The following FBXO4 variants were observed in gnomAD, a reference collection of about 807,000 sequenced individuals.
The protein encoded by FBXO4 is F-box protein 4.
A neutral mutation model predicts 43.7 loss-of-function variants in FBXO4; 36 were observed. The observed-to-expected ratio is 0.82, with a 90% CI of 0.63 to 1.09. The LOEUF is 1.09. Ranked by LOEUF, FBXO4 falls within the 50% of genes least tolerant of loss-of-function variation. The probability of loss-of-function intolerance (pLI) is 0.00; values close to 1 mark genes in which losing one functional copy is unlikely to be tolerated. For missense variants in FBXO4, 435 were observed against 474.1 expected, an observed-to-expected ratio of 0.92 and a Z score of 0.77; for synonymous variants, 180 against 165.6, an observed-to-expected ratio of 1.09 and a Z score of -0.67.
At chr5:41,970,044 G>A in the FBXO4 span, among the ~76,000 whole-genome samples, 1 of 152,044 alleles carries the variant, frequency 6.6e-6, no homozygotes, top group African/African-American at 2.4e-5. Context: ...AACATGATTG[G>A]TTGTTATATA....
chr5:41,989,761 T>C, the FBXO4 span, among the ~76,000 whole-genome samples: 1 of 152,160 alleles, frequency 6.6e-6, no homozygotes. Flanking sequence ...GCTTCCCCTA[T>C]CATCTGCTCC....
the FBXO4 span, among the ~76,000 whole-genome samples, chr5:42,020,845 G>T: frequency 6.6e-6 from 1 of 152,124 alleles, no homozygotes; most frequent in Non-Finnish European, 1.5e-5. Context: ...AGTTAGAATG[G>T]GTTAGACACA....
the FBXO4 span, among the ~76,000 whole-genome samples, chr5:42,006,916 A>ATATATATATATATATG: frequency 6.4e-5 from 9 of 140,902 alleles, no homozygotes; most frequent in Non-Finnish European, 1.4e-4. Context: ...ATATATATAT[A>ATATATATATATATATG]TGTATATACA....
chr5:41,987,140 T>G, the FBXO4 span, among the ~76,000 whole-genome samples: 1 of 152,148 alleles, frequency 6.6e-6, no homozygotes, highest in African/African-American at 2.4e-5. Flanking sequence ...AATCAGACCT[T>G]TAAGATTGCA....
chr5:41,974,935 C>G, the FBXO4 span, among the ~76,000 whole-genome samples: 1 of 152,070 alleles, frequency 6.6e-6, no homozygotes, highest in African/African-American at 2.4e-5. Context: ...CCTTTAGTGT[C>G]AGGGATTGAG....
At chr5:42,039,784 TTTAAA>T in the FBXO4 span, among the ~76,000 whole-genome samples, 1 of 152,122 alleles carries the variant, frequency 6.6e-6, no homozygotes, top group Non-Finnish European at 1.5e-5. Context: ...TCAATTTGAC[TTTAAA>T]TTAATAAAAA....
the FBXO4 span, among the ~76,000 whole-genome samples, chr5:41,973,143 A>C: frequency 2.0e-5 from 3 of 152,162 alleles, no homozygotes; most frequent in Non-Finnish European, 2.9e-5. Flanking sequence ...ACAACCTACA[A>C]AGTGGGAAAA....
the FBXO4 span, among the ~76,000 whole-genome samples, chr5:42,024,593 T>C: frequency 0.012 from 1,794 of 151,818 alleles, 40 homozygotes; most frequent in African/African-American, 0.041. Flanking sequence ...TTTTACAATG[T>C]ACAATTAAGT....
the FBXO4 span, among the ~76,000 whole-genome samples, chr5:41,984,091 A>C: frequency 6.6e-6 from 1 of 152,146 alleles, no homozygotes. Context: ...TCAAATAGTA[A>C]ATAAATATAG....
chr5:41,974,392 C>T, the FBXO4 span, among the ~76,000 whole-genome samples: 2 of 152,006 alleles, frequency 1.3e-5, no homozygotes, highest in Non-Finnish European at 2.9e-5. Context: ...CTTGGATGCT[C>T]TCTTCTTGTT....
At chr5:41,962,924 C>CA in the FBXO4 span, among the ~76,000 whole-genome samples, 1 of 152,070 alleles carries the variant, frequency 6.6e-6, no homozygotes, top group Non-Finnish European at 1.5e-5. Flanking sequence ...ACTGATTCAC[C>CA]AAAAATGACA....
chr5:41,932,026 G>A (rs946287513), intron 3 of FBXO4, among the ~76,000 whole-genome samples: 2 of 152,144 alleles, frequency 1.3e-5, no homozygotes, highest in African/African-American at 4.8e-5. Flanking sequence ...TTCACTGCAG[G>A]AGAAGCCTCA....
At chr5:42,003,075 G>A in the FBXO4 span, among the ~76,000 whole-genome samples, 3 of 152,078 alleles carry the variant, frequency 2.0e-5, no homozygotes, top group Non-Finnish European at 2.9e-5. Context: ...CATAAGTTAT[G>A]TATTTACCCA....
At chr5:41,983,333 T>C in the FBXO4 span, among the ~76,000 whole-genome samples, 1 of 152,204 alleles carries the variant, frequency 6.6e-6, no homozygotes, top group African/African-American at 2.4e-5. Flanking sequence ...AATTTTTGCC[T>C]ACCAAATTTG....
chr5:42,012,794 TC>T, the FBXO4 span, among the ~76,000 whole-genome samples: 1 of 152,190 alleles, frequency 6.6e-6, no homozygotes, highest in Non-Finnish European at 1.5e-5. Context: ...GCTCTGGGCT[TC>T]AGTTTTTTCC....
the FBXO4 span, among the ~76,000 whole-genome samples, chr5:41,956,064 T>C: frequency 6.6e-6 from 1 of 152,204 alleles, no homozygotes; most frequent in African/African-American, 2.4e-5. Flanking sequence ...ATAAAATTCA[T>C]AGTGTCATCC....
the FBXO4 span, among the ~76,000 whole-genome samples, chr5:42,029,139 A>C: frequency 2.6e-5 from 4 of 152,120 alleles, no homozygotes; most frequent in Non-Finnish European, 5.9e-5. Flanking sequence ...GGTATTGACG[A>C]AATCCCTCAG....
At chr5:41,996,573 A>G in the FBXO4 span, among the ~76,000 whole-genome samples, 7 of 152,190 alleles carry the variant, frequency 4.6e-5, no homozygotes, top group African/African-American at 1.7e-4. Context: ...GCCTGGACCT[A>G]TTGCAGAGCC....
the FBXO4 span, among the ~76,000 whole-genome samples, chr5:42,037,377 A>G: frequency 6.6e-6 from 1 of 152,070 alleles, no homozygotes; most frequent in Non-Finnish European, 1.5e-5. Context: ...AATGCGCTTC[A>G]TAAAATCTAA....
Sources: allele counts gnomAD v4.1 joint callset (sites outside exome capture counted in the v4.1 genomes callset), GRCh38; gene constraint gnomAD v4.1.1; transcripts MANE v1.5; gene names NCBI Gene and HGNC (gene_info 2026-07-23, HGNC 2026-07-21).